ABCB4: variants seen among roughly 807,000 people sequenced by gnomAD.
ABCB4 encodes the protein ATP binding cassette subfamily B member 4.
ABCB4 carries 76 observed loss-of-function variants against 145.7 expected under a neutral mutation model. The observed-to-expected ratio is 0.52, with a 90% CI of 0.43 to 0.63. ABCB4 has a LOEUF of 0.63. Among genes scored for constraint, ABCB4 ranks in the 30% least tolerant of loss-of-function variants. The pLI, the probability that ABCB4 is intolerant of heterozygous loss-of-function variation, is 0.00. For synonymous variants in ABCB4, 517 were observed against 566.8 expected, an observed-to-expected ratio of 0.91 and a Z score of 1.25; for missense variants, 1,234 against 1,553.1, an observed-to-expected ratio of 0.79 and a Z score of 3.45.
chr7:87,380,897 C>A, the ABCB4 span, among the ~76,000 whole-genome samples: 2 of 152,226 alleles, frequency 1.3e-5, no homozygotes, highest in African/African-American at 4.8e-5. Flanking sequence ...GGTTTGTCAG[C>A]GACCTGTGAG....
At chr7:87,451,539 CA>C in intron 7 of ABCB4, 83 bp downstream of exon 7, 1 of 1,461,270 alleles carries the variant, frequency 6.8e-7, no homozygotes, top group Non-Finnish European at 9.6e-7. Context: ...TAGACCTGAA[CA>C]GGTACAAGTA....
chr7:87,381,332 C>T, the ABCB4 span, among the ~76,000 whole-genome samples: 2 of 152,294 alleles, frequency 1.3e-5, no homozygotes, highest in East Asian at 3.9e-4. Flanking sequence ...CTAAATACAC[C>T]TGGCAAACCT....
At chr7:87,455,510 A>C (rs909547175) in intron 4 of ABCB4, among the ~76,000 whole-genome samples, 1 of 152,246 alleles carries the variant, frequency 6.6e-6, no homozygotes, top group African/African-American at 2.4e-5. Flanking sequence ...ACTCAATGTC[A>C]TACAGCTAGT....
chr7:87,475,366 A>T lies in ABCB4; in HGVS notation c.80+20T>A. 6.2e-7 allele frequency: 1 copy of T among 1,614,074 alleles called. No homozygotes were observed. ...CTGATTGGCGTGTAACGGAAAAGCC[A>T]GTGGCTGCTGGGGATGTACCTGCTG... On this transcript the variant is annotated intron_variant, in intron 2 of 27. Coordinates refer to ENST00000649586, the MANE Select transcript of ABCB4 (RefSeq NM_000443.4).
chr7:87,422,367 A>G lies in ABCB4; in HGVS notation c.2212-142T>C, dbSNP rs2116515585. On this transcript the variant is annotated intron_variant, in intron 17 of 27. Coordinates refer to ENST00000649586, the MANE Select transcript of ABCB4 (RefSeq NM_000443.4). Reference sequence around the variant, plus strand: ...TTTTGGTAATTGTGGTAAAATATACATAACACAAAATTTACCATTTTAACC... The same window carrying G: ...TTTTGGTAATTGTGGTAAAATATACGTAACACAAAATTTACCATTTTAACC... 4 of 713,974 alleles carry G rather than the reference A, an allele frequency of 5.6e-6. No individual in the cohort carries two copies. The East Asian group carries it at 1.1e-4, about 19-fold the overall frequency. The allele number at this position is 713,974 out of a possible 1,614,324, so 44.2% of individuals were successfully genotyped here. A position where few individuals can be genotyped will look rare whatever the true frequency, so the allele number is the denominator to read the frequency against.
In ABCB4 at chr7:87,452,971, G is replaced by C. The variant is rs200015386; in HGVS notation, c.509C>G (p.Thr170Ser). The C allele has an allele frequency of 3.1e-6, 5 of 1,613,918 alleles. No homozygotes were observed. The African/African-American group carries it at 6.7e-5, about 22-fold the overall frequency. The change falls in exon 6 of 28, where the codon ACC (threonine) becomes AGC (serine). Residue 170 changes from threonine (T) to serine (S), a missense_variant. This residue lies in a region of ABCB4 where 467 missense variants were observed against 632.8 expected (regional missense o/e 0.74). Transcript: ENST00000649586. Reference sequence around the variant, plus strand: ...TGTTAGCCGCGTATTGAGTTCAGTGGTGTCGTTGATGTCAAACCATCCTAT... The same window carrying C: ...TGTTAGCCGCGTATTGAGTTCAGTGCTGTCGTTGATGTCAAACCATCCTAT... Reference protein sequence around the residue: ...QEIGWFDINDTTELNTRLTDD... With the variant: ...QEIGWFDINDSTELNTRLTDD...
the ABCB4 span, among the ~76,000 whole-genome samples, chr7:87,394,632 G>A: frequency 1.3e-5 from 2 of 151,562 alleles, no homozygotes; most frequent in African/African-American, 4.8e-5. Context: ...TTTGCAAAAT[G>A]CCTTTTGATC....
chr7:87,367,916 C>T, the ABCB4 span, among the ~76,000 whole-genome samples: 4 of 152,176 alleles, frequency 2.6e-5, no homozygotes, highest in Admixed American at 1.3e-4. Flanking sequence ...TTCTCTTCAC[C>T]CTTGTAATCT....
the ABCB4 span, among the ~76,000 whole-genome samples, chr7:87,380,567 T>C: frequency 6.6e-6 from 1 of 152,214 alleles, no homozygotes; most frequent in Non-Finnish European, 1.5e-5. Context: ...TCTTAAACAC[T>C]ATGTAAATAC....
the ABCB4 span, chr7:87,382,433 G>A: frequency 2.8e-5 from 45 of 1,613,256 alleles, no homozygotes; most frequent in Admixed American, 6.7e-5. Flanking sequence ...TACAGATTGC[G>A]GCTTATGCCT....
intron 14 of ABCB4, 124 bp from the exon 15 acceptor site, chr7:87,431,689 T>C: frequency 7.7e-7 from 1 of 1,292,028 alleles, no homozygotes; most frequent in Non-Finnish European, 1.1e-6. Flanking sequence ...ATACTCCAGA[T>C]CTCTGCGTGA....
At chr7:87,378,527 G>C in the ABCB4 span, among the ~76,000 whole-genome samples, 2 of 151,938 alleles carry the variant, frequency 1.3e-5, no homozygotes, top group African/African-American at 2.4e-5. Context: ...CCCATTTTTT[G>C]GTACTGCTTT....
At chr7:87,402,440 G>A in intron 27 of ABCB4, 138 bp from the exon 28 acceptor site, 4 of 1,052,658 alleles carry the variant, frequency 3.8e-6, no homozygotes, top group South Asian at 1.4e-5. Flanking sequence ...TTATGCATGT[G>A]TATTTTGTAT....
chr7:87,372,596 T>G, the ABCB4 span, among the ~76,000 whole-genome samples: 1 of 152,156 alleles, frequency 6.6e-6, no homozygotes, highest in Non-Finnish European at 1.5e-5. Context: ...TGGATTTCTG[T>G]TTTTGCCTTA....
At chr7:87,420,115 T>G (rs780747302) in intron 18 of ABCB4, 40 bp from the exon 19 acceptor site, 1 of 1,573,704 alleles carries the variant, frequency 6.4e-7, no homozygotes, top group African/African-American at 1.3e-5. Flanking sequence ...TTGATCTTTA[T>G]GTATGTAATT....
At chr7:87,410,225 C>G (rs1202377580) in intron 23 of ABCB4, among the ~76,000 whole-genome samples, 1 of 152,152 alleles carries the variant, frequency 6.6e-6, no homozygotes, top group African/African-American at 2.4e-5. Flanking sequence ...CTTCACAAAG[C>G]AATTTACTTC....
At position 87,449,834 on chromosome 7, in the gene ABCB4, G is replaced by A. The variant is rs958643141; in HGVS notation, c.833+134C>T. On this transcript the variant is annotated intron_variant, in intron 8 of 27. Transcript: ENST00000649586. ...GTCTGACATTCAACTATAGCCATCAGTAAAGGGTGCTTATAATTTATGCGA... is the reference window on the plus strand; with the variant it reads ...GTCTGACATTCAACTATAGCCATCAATAAAGGGTGCTTATAATTTATGCGA... The A allele has an allele frequency of 6.4e-5, 86 of 1,345,078 alleles. No homozygotes were observed. The African/African-American group carries it at 1.1e-3, about 17-fold the overall frequency. The allele number at this position is 1,345,078 out of a possible 1,614,324, so 83.3% of individuals were successfully genotyped here. A position where few individuals can be genotyped will look rare whatever the true frequency, so the allele number is the denominator to read the frequency against.
At chr7:87,457,553 C>T in intron 4 of ABCB4, among the ~76,000 whole-genome samples, 1 of 152,204 alleles carries the variant, frequency 6.6e-6, no homozygotes, top group East Asian at 1.9e-4. Flanking sequence ...TATAACCTAT[C>T]CATTTTACAG....
chr7:87,367,597 A>G, the ABCB4 span, among the ~76,000 whole-genome samples: 1 of 152,144 alleles, frequency 6.6e-6, no homozygotes, highest in Non-Finnish European at 1.5e-5. Flanking sequence ...AAATTCATAT[A>G]CTTTTCTTTT....
Sources: allele counts gnomAD v4.1 joint callset (sites outside exome capture counted in the v4.1 genomes callset), GRCh38; gene constraint gnomAD v4.1.1; regional missense constraint gnomAD v4.1.1; transcripts MANE v1.5; gene names NCBI Gene and HGNC (gene_info 2026-07-23, HGNC 2026-07-21).